SLC8A3: variants seen among roughly 807,000 people sequenced by gnomAD.
SLC8A3 encodes the protein solute carrier family 8 member A3, also known as sodium/calcium exchanger 3.
In SLC8A3, 37 loss-of-function variants were observed where a neutral mutation model predicts 65.4. That is an observed-to-expected ratio of 0.57 (90% CI 0.44 to 0.74). The LOEUF is 0.74. Among genes scored for constraint, SLC8A3 ranks in the 30% least tolerant of loss-of-function variants. The pLI is 0.00. For missense variants in SLC8A3, 1,112 were observed against 1,172.1 expected, an observed-to-expected ratio of 0.95 and a Z score of 0.75; for synonymous variants, 461 against 444.5, an observed-to-expected ratio of 1.04 and a Z score of -0.47.
chr14:70,133,233 GAAGA>G (rs1261161832), intron 2 of SLC8A3, among the ~76,000 whole-genome samples: 1 of 152,116 alleles, frequency 6.6e-6, no homozygotes, highest in African/African-American at 2.4e-5. Context: ...AAAGAAAAGA[GAAGA>G]AAGACAATAA....
In SLC8A3 at chr14:70,160,208, G is replaced by A. The variant is rs978896277; in HGVS notation, c.1784+6431C>T. Among the ~76,000 whole-genome samples, 4 of 152,252 alleles carry A rather than the reference G, an allele frequency of 2.6e-5. No individual in the cohort carries two copies. In the East Asian group the frequency reaches 7.7e-4, roughly 29 times the overall value. On this transcript the variant is annotated intron_variant, in intron 2 of 6. Transcript: ENST00000356921. ...GCCTGTAATCCCAGCTTTTTGGGAG[G>A]CCAAGGTGGGCGGATCACTTGAGGT...
intron 1 of SLC8A3, among the ~76,000 whole-genome samples, chr14:70,170,106 AAAAC>A (rs1219845987): frequency 1.1e-4 from 16 of 152,184 alleles, no homozygotes; most frequent in Admixed American, 2.6e-4. Context: ...TTTTTTTAAA[AAAAC>A]AAACAAACAG....
chr14:70,144,741 T>C (rs902867823), intron 2 of SLC8A3, among the ~76,000 whole-genome samples: 2 of 152,222 alleles, frequency 1.3e-5, no homozygotes, highest in African/African-American at 4.8e-5. Context: ...TTCATGATAT[T>C]TAACAGTCAT....
intron 2 of SLC8A3, among the ~76,000 whole-genome samples, chr14:70,064,463 T>G (rs1889180669): frequency 6.8e-6 from 1 of 146,674 alleles, no homozygotes; most frequent in Non-Finnish European, 1.5e-5. Flanking sequence ...GTGGAAATCT[T>G]GCCCAGAAAT....
In SLC8A3 at chr14:70,052,183, A is replaced by G. The variant is rs113091477; in HGVS notation, c.1889-69T>C. Reference sequence around the variant, plus strand: ...TCCCTGGAAGGATACAGCTCAGAGTATTAGGCATGGGCAGTGGGTACAAAG... The same window carrying G: ...TCCCTGGAAGGATACAGCTCAGAGTGTTAGGCATGGGCAGTGGGTACAAAG... On this transcript the variant is annotated intron_variant, in intron 3 of 6. Transcript: ENST00000356921. 2,261 of 1,514,520 alleles carry G rather than the reference A, an allele frequency of 1.5e-3. 38 individuals are homozygous for G. The African/African-American group carries it at 0.026, about 17-fold the overall frequency. 93.8% of individuals were successfully genotyped at this position (1,514,520 alleles called of 1,614,324 possible). A position where few individuals can be genotyped will look rare whatever the true frequency, so the allele number is the denominator to read the frequency against.
chr14:70,187,599 C>CG (rs1189716830), intron 1 of SLC8A3, among the ~76,000 whole-genome samples: 3 of 118,290 alleles, frequency 2.5e-5, no homozygotes, highest in Admixed American at 8.2e-5. Context: ...AGGGCTTTGA[C>CG]TGTGTGTGTG....
intron 2 of SLC8A3, among the ~76,000 whole-genome samples, chr14:70,085,822 G>A (rs8006924): frequency 0.35 from 53,262 of 151,878 alleles, 9,419 homozygotes; most frequent in East Asian, 0.43. Context: ...ACTACTATGT[G>A]TGCTTTATAT....
At position 70,107,580 on chromosome 14, in the gene SLC8A3, C is replaced by A. The variant is rs186864791; in HGVS notation, c.1785-46641G>T. Among the ~76,000 whole-genome samples, 7 of 152,170 alleles carry A rather than the reference C, an allele frequency of 4.6e-5. No individual in the cohort carries two copies. The East Asian group carries it at 1.4e-3, about 29-fold the overall frequency. ...AGATGCTACAGTAGATTAATTCATG[C>A]GAATACCATCCAGTGGGGTCCTAAC... is the stretch of plus-strand genomic sequence containing the variant. On this transcript the variant is annotated intron_variant, in intron 2 of 6. Transcript: ENST00000356921.
intron 1 of SLC8A3, among the ~76,000 whole-genome samples, chr14:70,170,150 C>A (rs969463078): frequency 6.6e-6 from 1 of 152,182 alleles, no homozygotes; most frequent in African/African-American, 2.4e-5. Context: ...CTGTTTGAAG[C>A]CCTTTAGTAG....
chr14:70,054,888 G>A (rs975605762), intron 3 of SLC8A3, among the ~76,000 whole-genome samples: 4 of 152,062 alleles, frequency 2.6e-5, no homozygotes, highest in African/African-American at 7.2e-5. Flanking sequence ...CTCTTAAGTG[G>A]CCTTAACATT....
At chr14:70,173,221 G>A (rs898369742) in intron 1 of SLC8A3, among the ~76,000 whole-genome samples, 1 of 152,162 alleles carries the variant, frequency 6.6e-6, no homozygotes, top group African/African-American at 2.4e-5. Context: ...GGCTGTAAGT[G>A]GGCAAGACAG....
intron 2 of SLC8A3, chr14:70,080,333 C>T (rs1053747403): frequency 2.9e-6 from 2 of 700,424 alleles, no homozygotes; most frequent in Non-Finnish European, 3.5e-6. Context: ...GGATCGGTGG[C>T]CTTGGCTGTG....
At chr14:70,091,006 C>T (rs1348834994) in intron 2 of SLC8A3, among the ~76,000 whole-genome samples, 2 of 152,122 alleles carry the variant, frequency 1.3e-5, no homozygotes, top group African/African-American at 4.8e-5. Flanking sequence ...CAGTTGACAA[C>T]CCCTGGACTA....
rs149742025 is a variant in SLC8A3, at chr14:70,166,944, C to T, written c.1479G>A (p.Gln493=). ...RLSNVRIEEE[Q]PEEGMPPAIF... ...TTGCTGGAGGCATCCCCTCCTCTGG[C>T]TGCTCCTCCTCTATGCGGACATTGC... Residue 493 remains glutamine, a synonymous_variant, in exon 2 of 7, where the codon CAG becomes CAA. Transcript: ENST00000356921. 1 of 1,614,090 alleles carries T rather than the reference C, an allele frequency of 6.2e-7. No homozygotes were observed. The highest frequency in any genetic ancestry group is 1.3e-5 in the African/African-American group (1 of 74,940).
intron 1 of SLC8A3, among the ~76,000 whole-genome samples, chr14:70,174,662 GTTTTTTTT>G (rs10527244): frequency 3.0e-5 from 2 of 66,516 alleles, no homozygotes; most frequent in African/African-American, 5.1e-5. Flanking sequence ...TTTTTTTTTT[GTTTTTTTT>G]TTTTTTTTTT....
At chr14:70,159,423 A>C (rs1228919897) in intron 2 of SLC8A3, among the ~76,000 whole-genome samples, 4 of 149,992 alleles carry the variant, frequency 2.7e-5, no homozygotes, top group African/African-American at 1.0e-4. Context: ...AAAAAAAAAA[A>C]ACAAAAAAAA....
intron 4 of SLC8A3, among the ~76,000 whole-genome samples, chr14:70,051,660 G>A (rs1219870563): frequency 6.6e-6 from 1 of 152,080 alleles, no homozygotes; most frequent in African/African-American, 2.4e-5. Context: ...TAATAATAAT[G>A]ATGTTAATAT....
At chr14:70,113,837 C>G (rs183242094) in intron 2 of SLC8A3, among the ~76,000 whole-genome samples, 3 of 152,270 alleles carry the variant, frequency 2.0e-5, no homozygotes, top group African/African-American at 7.2e-5. Flanking sequence ...ACATGCTTAT[C>G]TTGTTCAATT....
At chr14:70,075,717 G>A (rs1442362156) in intron 2 of SLC8A3, among the ~76,000 whole-genome samples, 1 of 152,084 alleles carries the variant, frequency 6.6e-6, no homozygotes, top group Non-Finnish European at 1.5e-5. Context: ...CTCCTCAGCA[G>A]GAGTGCTTAA....
Sources: gnomAD v4.1 joint callset for allele counts (sites outside exome capture counted in the v4.1 genomes callset) on GRCh38, gnomAD v4.1.1 for gene constraint, MANE v1.5 for transcripts, NCBI Gene and HGNC (gene_info 2026-07-23, HGNC 2026-07-21) for gene names.